WTIP: variants seen among roughly 807,000 people sequenced by gnomAD.
WTIP encodes the protein WT1 interacting protein.
A neutral mutation model predicts 41.7 loss-of-function variants in WTIP; 23 were observed. The observed-to-expected ratio is 0.55, with a 90% CI of 0.40 to 0.78. The LOEUF is 0.78. WTIP is among the 30% of genes least tolerant of loss of function. The pLI, the probability that WTIP is intolerant of heterozygous loss-of-function variation, is 0.00. For missense variants in WTIP, 619 were observed against 610.5 expected (o/e 1.01, Z -0.15); for synonymous variants, 314 against 269.9 (o/e 1.16, Z -1.60).
At chr19:34,497,349 G>A (rs1374284732) in intron 7 of WTIP, among the ~76,000 whole-genome samples, 2 of 152,128 alleles carry the variant, frequency 1.3e-5, no homozygotes, top group Admixed American at 6.5e-5. Flanking sequence ...TCTGTTGTCC[G>A]GGGTCTGAGA....
Position 34,494,604 on chromosome 19 carries a change from C to T in WTIP, c.1050C>T (p.Cys350=), listed in dbSNP as rs201441027. 9.3e-6 allele frequency: 15 copies of T among 1,613,572 alleles called. No individual in the cohort carries two copies. In the Admixed American group the frequency reaches 1.0e-4, roughly 11 times the overall value. ...TCTCTAGGGTTTTTGCACCAAAATG[C>T]GCCTCCTGTGCCCGTCCTATCCTCC... ...RDYHTVFAPK[C]ASCARPILPA... Residue 350 remains cysteine, a synonymous_variant, in exon 6 of 8, where the codon TGC becomes TGT. Coordinates refer to ENST00000590071, the MANE Select transcript of WTIP (RefSeq NM_001080436.2).
In WTIP at chr19:34,493,658, G is replaced by C; in HGVS notation, c.1031+36G>C. Reference sequence around the variant, plus strand: ...GGTGCTGTGGAGCAGGCGGGACTCGGGCCGTCCTCCCTGGCTCCTCTGGAA... The same window carrying C: ...GGTGCTGTGGAGCAGGCGGGACTCGCGCCGTCCTCCCTGGCTCCTCTGGAA... On this transcript the variant is annotated intron_variant, in intron 5 of 7. Transcript: ENST00000590071. This position sits in a 1 kb window ranked among gnomAD's most constrained non-coding sequence, Gnocchi z 4.1. 6.2e-7 allele frequency: 1 copy of C among 1,611,352 alleles called. No individual in the cohort carries two copies. Among genetic ancestry groups the C allele is most frequent in the Non-Finnish European group, 8.5e-7 (1 of 1,178,852 alleles).
rs1451544832 is a variant in WTIP at position 34,482,388 on chromosome 19, C to T, written c.414C>T (p.Gly138=). 7.3e-7 allele frequency: 1 copy of T among 1,366,232 alleles called. No homozygotes were observed. The highest frequency in any genetic ancestry group is 3.1e-5 in the Admixed American group (1 of 32,008). The allele number at this position is 1,366,232 out of a possible 1,614,324, so 84.6% of individuals were successfully genotyped here. Residue 138 remains glycine, a synonymous_variant, in exon 1 of 8, where the codon GGC becomes GGT. Transcript: ENST00000590071. ...CCGGTCCCGGGCCGCCTTCGGTGGG[C>T]AGCGCCCGCTCCAGCGTTTCCAGCC... The part of the protein sequence containing the change: ...PRPGPGPPSV[G]SARSSVSSLG...
rs2075768657 is a variant in WTIP, at chr19:34,481,959, GC to G, written c.-14del. ...GCGGAGGCGGAGGTGACGCGCCAGG[GC>G]CGGCGGGCCGGGCCATGCAGCGCTC... On this transcript the variant is annotated 5_prime_UTR_variant, in exon 1 of 8. Coordinates refer to ENST00000590071, the MANE Select transcript of WTIP (RefSeq NM_001080436.2). The G allele has an allele frequency of 1.0e-6, 1 of 999,392 alleles. No homozygotes were observed. Among genetic ancestry groups the G allele is most frequent in the South Asian group, 4.5e-5 (1 of 22,272 alleles). The allele number at this position is 999,392 out of a possible 1,614,324, so 61.9% of individuals were successfully genotyped here.
Position 34,491,314 on chromosome 19 carries a change from T to G in WTIP, c.769+837T>G, listed in dbSNP as rs988265745. 5.4e-4 allele frequency among the ~76,000 whole-genome samples: 82 copies of G among 150,748 alleles called. 1 individual carries two copies. Among genetic ancestry groups the G allele is most frequent in the African/African-American group, 1.5e-3 (61 of 40,908 alleles). On this transcript the variant is annotated intron_variant, in intron 2 of 7. Coordinates refer to ENST00000590071, the MANE Select transcript of WTIP (RefSeq NM_001080436.2). ...CAGACATCTTTTATGTATTTGCACG[T>G]TTTTTAATTTTAATTTTATATTTTT... is the stretch of plus-strand genomic sequence containing the variant.
chr19:34,500,484 C>T lies in WTIP; in HGVS notation c.*215C>T, dbSNP rs1227763667. ...TGCGGGCCCTGCCTCCCACCCACCC[C>T]ATCACCAGCTTTCCACTTGGAGGCC... On this transcript the variant is annotated 3_prime_UTR_variant, in exon 8 of 8. Coordinates refer to ENST00000590071, the MANE Select transcript of WTIP (RefSeq NM_001080436.2). The T allele has an allele frequency of 1.4e-5, 9 of 633,770 alleles. No individual in the cohort carries two copies. The highest frequency in any genetic ancestry group is 9.7e-5 in the Admixed American group (3 of 30,882). 39.3% of individuals were successfully genotyped at this position (633,770 alleles called of 1,614,324 possible). A position where few individuals can be genotyped will look rare whatever the true frequency, so the allele number is the denominator to read the frequency against.
At chr19:34,496,678 G>GGGTTGGT in intron 7 of WTIP, among the ~76,000 whole-genome samples, 1 of 151,790 alleles carries the variant, frequency 6.6e-6, no homozygotes, top group Non-Finnish European at 1.5e-5. Context: ...GGGGGGTTGG[G>GGGTTGGT]GGTTGGGGGT....
At position 34,508,386 on chromosome 19, in the gene WTIP, A is replaced by G. The variant is rs2075921154; in HGVS notation, c.*8117A>G. On this transcript the variant is annotated 3_prime_UTR_variant, in exon 8 of 8. Transcript: ENST00000590071. ...CACTGCACCTGGCCTGTGAGGTGGG[A>G]AGTTTCAATACTCCCTTAGCCTTGG... 1 of 151,976 alleles carries G rather than the reference A, an allele frequency of 6.6e-6. No homozygotes were observed. The highest frequency in any genetic ancestry group is 6.6e-5 in the Admixed American group (1 of 15,260). 9.4% of individuals were successfully genotyped at this position (151,976 alleles called of 1,614,324 possible). A position where few individuals can be genotyped will look rare whatever the true frequency, so the allele number is the denominator to read the frequency against.
chr19:34,491,704 G>A (rs537785778), intron 2 of WTIP, among the ~76,000 whole-genome samples: 13 of 151,946 alleles, frequency 8.6e-5, no homozygotes, highest in Middle Eastern at 3.4e-3. Flanking sequence ...GAGTGCAGTG[G>A]CGAGATCTCG....
intron 2 of WTIP, among the ~76,000 whole-genome samples, chr19:34,492,415 G>T (rs1599957088): frequency 6.8e-6 from 1 of 147,828 alleles, no homozygotes; most frequent in East Asian, 2.0e-4. Flanking sequence ...ACTTGAGCTT[G>T]GGAGGTTGAG....
In WTIP at chr19:34,508,729, G is replaced by A. The variant is rs16969382; in HGVS notation, c.*8460G>A. ...TGGGACTGGAAGTTCCTAGGAGTCC[G>A]GAAGTGCTGAGCTGCAGGAGGCTTC... is the stretch of plus-strand genomic sequence containing the variant. On this transcript the variant is annotated 3_prime_UTR_variant, in exon 8 of 8. Transcript: ENST00000590071. 9,016 of 152,376 alleles carry A rather than the reference G, an allele frequency of 0.059. 442 individuals are homozygous for A. The highest frequency in any genetic ancestry group is 0.16 in the Admixed American group (2,402 of 15,280). The allele number at this position is 152,376 out of a possible 1,614,324, so 9.4% of individuals were successfully genotyped here.
rs1220134470 is a variant in WTIP, at chr19:34,482,532, G to A, written c.558G>A (p.Pro186=). The A allele has an allele frequency of 1.6e-6, 2 of 1,228,400 alleles. No individual in the cohort carries two copies. The highest frequency in any genetic ancestry group is 1.0e-6 in the Non-Finnish European group (1 of 986,842). The allele number at this position is 1,228,400 out of a possible 1,614,324, so 76.1% of individuals were successfully genotyped here. A position where few individuals can be genotyped will look rare whatever the true frequency, so the allele number is the denominator to read the frequency against. The change falls in exon 1 of 8, where the codon CCG becomes CCA. Residue 186 remains proline (P), a synonymous_variant. Coordinates refer to ENST00000590071, the MANE Select transcript of WTIP (RefSeq NM_001080436.2). ...CTCCCTTCCCGCTGCCTGCACTCCC[G>A]CTGCCCCCTGGCCGGGAGGGCGGCC... ...GPAPFPLPAL[P]LPPGREGGPS...
chr19:34,492,555 G>A lies in WTIP; in HGVS notation c.770-482G>A, dbSNP rs531366798. On this transcript the variant is annotated intron_variant, in intron 2 of 7. Transcript: ENST00000590071. The stretch of plus-strand genomic sequence containing the variant: ...ATCTCTACTAAAAATACAAAAATTA[G>A]CCAGGCACCTGTAGTCCCAGCTACT... Among the ~76,000 whole-genome samples the A allele has an allele frequency of 2.0e-4, 30 of 151,442 alleles. 1 individual carries two copies. In the East Asian group the frequency reaches 4.3e-3, roughly 22 times the overall value.
chr19:34,487,789 A>C (rs1184975786), intron 1 of WTIP, among the ~76,000 whole-genome samples: 1 of 151,214 alleles, frequency 6.6e-6, no homozygotes, highest in South Asian at 2.1e-4. Context: ...TTTACGGTCC[A>C]GAGGGCAGGT....
intron 2 of WTIP, among the ~76,000 whole-genome samples, chr19:34,491,544 G>C (rs547127716): frequency 6.6e-6 from 1 of 151,826 alleles, no homozygotes; most frequent in South Asian, 2.1e-4. Flanking sequence ...GGATGGTCTC[G>C]ATCTCCTGAC....
intron 1 of WTIP, among the ~76,000 whole-genome samples, chr19:34,487,985 G>T (rs1461540447): frequency 6.6e-6 from 1 of 152,164 alleles, no homozygotes; most frequent in Admixed American, 6.5e-5. Flanking sequence ...CACCTTCCCC[G>T]CTGCATGCTG....
chr19:34,489,609 C>T (rs1180404199), intron 1 of WTIP, among the ~76,000 whole-genome samples: 1 of 139,112 alleles, frequency 7.2e-6, no homozygotes, highest in Non-Finnish European at 1.5e-5. Flanking sequence ...AAGAGCAGGC[C>T]ATGGATGAAA....
intron 1 of WTIP, among the ~76,000 whole-genome samples, chr19:34,486,358 T>G (rs1015121272): frequency 6.6e-6 from 1 of 151,578 alleles, no homozygotes; most frequent in Non-Finnish European, 1.5e-5. Context: ...CCCTAAGCCT[T>G]TGTCAGTTTG....
At chr19:34,489,734 C>T (rs968594303) in intron 1 of WTIP, among the ~76,000 whole-genome samples, 1 of 152,058 alleles carries the variant, frequency 6.6e-6, no homozygotes, top group African/African-American at 2.4e-5. Flanking sequence ...TTTGAGCCCA[C>T]CCTGGGCAAC....
Sources: gnomAD v4.1 joint callset for allele counts (sites outside exome capture counted in the v4.1 genomes callset) on GRCh38, gnomAD v4.1.1 for gene constraint, Gnocchi (gnomAD v3.1) non-coding constraint, MANE v1.5 for transcripts, NCBI Gene and HGNC (gene_info 2026-07-23, HGNC 2026-07-21) for gene names.